DYNC2I1: variants seen among roughly 807,000 people sequenced by gnomAD.
The protein encoded by DYNC2I1 is dynein 2 intermediate chain 1.
A neutral mutation model predicts 133.4 loss-of-function variants in DYNC2I1; 89 were observed. The ratio of observed to expected loss-of-function variants is 0.67; its 90% confidence interval spans 0.56 to 0.80. The LOEUF (loss-of-function observed/expected upper bound fraction) is 0.80, where lower values mean the gene tolerates loss of function less well. Among genes scored for constraint, DYNC2I1 ranks in the 30% least tolerant of loss-of-function variants. The pLI is 0.00. For missense variants in DYNC2I1, 1,291 were observed against 1,314.5 expected (o/e 0.98, Z 0.28); for synonymous variants, 504 against 484.3 (o/e 1.04, Z -0.54).
intron 1 of DYNC2I1, among the ~76,000 whole-genome samples, chr7:158,860,056 GT>G (rs34585662): frequency 0.4 from 57,550 of 142,756 alleles, 11,741 homozygotes; most frequent in East Asian, 0.67. Flanking sequence ...TGGTATTAGA[GT>G]TTTTTTTTTT....
intron 1 of DYNC2I1, among the ~76,000 whole-genome samples, chr7:158,865,907 G>T (rs1440544858): frequency 6.6e-6 from 1 of 152,120 alleles, no homozygotes; most frequent in South Asian, 2.1e-4. Flanking sequence ...GAGACAGCAT[G>T]GATAGAAAAC....
At chr7:158,866,730 C>A (rs991026891) in intron 1 of DYNC2I1, among the ~76,000 whole-genome samples, 1 of 151,124 alleles carries the variant, frequency 6.6e-6, no homozygotes, top group East Asian at 1.9e-4. Flanking sequence ...ACTAAAATTA[C>A]GAAACTTAGC....
At chr7:158,954,820 A>T (rs1039203251) in intron 4 of DYNC2I1, among the ~76,000 whole-genome samples, 2 of 152,244 alleles carry the variant, frequency 1.3e-5, no homozygotes, top group Admixed American at 1.3e-4. Context: ...ACATCAGGAC[A>T]TGGAGAGTAA....
intron 2 of DYNC2I1, among the ~76,000 whole-genome samples, chr7:158,870,176 C>T (rs912504702): frequency 6.6e-5 from 10 of 152,060 alleles, no homozygotes; most frequent in South Asian, 6.2e-4. Context: ...CTTCAGGGGC[C>T]GCAGCGGTGG....
chr7:158,868,782 A>G (rs1449838507), intron 1 of DYNC2I1, among the ~76,000 whole-genome samples: 3 of 152,240 alleles, frequency 2.0e-5, no homozygotes, highest in Non-Finnish European at 4.4e-5. Flanking sequence ...GTTCCTTGGC[A>G]GGACTCTAGA....
At chr7:158,847,959 G>A in the DYNC2I1 span, among the ~76,000 whole-genome samples, 1 of 152,200 alleles carries the variant, frequency 6.6e-6, no homozygotes, top group Non-Finnish European at 1.5e-5. Context: ...ATAATAGATT[G>A]TAAAAATAAC....
intron 3 of DYNC2I1, among the ~76,000 whole-genome samples, chr7:158,873,913 C>T (rs1310413614): frequency 6.6e-6 from 1 of 152,086 alleles, no homozygotes; most frequent in Non-Finnish European, 1.5e-5. Flanking sequence ...CACGCCACCA[C>T]ACCTGGCTAA....
intron 8 of DYNC2I1, among the ~76,000 whole-genome samples, chr7:158,901,333 A>G (rs1846234932): frequency 6.6e-6 from 1 of 152,104 alleles, no homozygotes; most frequent in South Asian, 2.1e-4. Context: ...TGACCTCCCA[A>G]AGTGCTGGGA....
At chr7:158,869,272 G>A (rs970965837) in intron 1 of DYNC2I1, among the ~76,000 whole-genome samples, 4 of 149,414 alleles carry the variant, frequency 2.7e-5, no homozygotes, top group African/African-American at 9.7e-5. Context: ...GCCCGTGGCT[G>A]TGGCATCTGC....
At chr7:158,842,398 C>T in the DYNC2I1 span, among the ~76,000 whole-genome samples, 7 of 152,228 alleles carry the variant, frequency 4.6e-5, no homozygotes, top group South Asian at 4.1e-4. Flanking sequence ...CTAGTGTCAC[C>T]GTTTCCTCAG....
Position 158,871,288 on chromosome 7 carries a change from A to G in DYNC2I1, c.216A>G (p.Glu72=), listed in dbSNP as rs909531673. The change falls in exon 3 of 25, where the codon GAA becomes GAG. Residue 72 remains glutamate (E), a synonymous_variant. Coordinates refer to ENST00000407559, the MANE Select transcript of DYNC2I1 (RefSeq NM_018051.5). ...CCAGGAGCAGAGACAGGGTGGCCGAAGTCCACACCGCTAAGGAGAGTCCTC... is the reference window on the plus strand; with the variant it reads ...CCAGGAGCAGAGACAGGGTGGCCGAGGTCCACACCGCTAAGGAGAGTCCTC... ...QDARSRDRVA[E]VHTAKESPRG... 1.3e-6 allele frequency: 2 copies of G among 1,587,658 alleles called. No individual in the cohort carries two copies. Among genetic ancestry groups the G allele is most frequent in the African/African-American group, 2.7e-5 (2 of 74,418 alleles).
chr7:158,877,459 A>G (rs1270736769), intron 4 of DYNC2I1, among the ~76,000 whole-genome samples: 1 of 152,240 alleles, frequency 6.6e-6, no homozygotes, highest in East Asian at 1.9e-4. Context: ...TTAATTTCTG[A>G]AAATGAACTT....
chr7:158,864,906 G>A (rs1027471206), intron 1 of DYNC2I1, among the ~76,000 whole-genome samples: 2 of 152,224 alleles, frequency 1.3e-5, no homozygotes, highest in Non-Finnish European at 2.9e-5. Context: ...GAGGAGGCTG[G>A]GTTAGAAAGC....
intron 16 of DYNC2I1, 33 bp downstream of exon 16, chr7:158,922,582 G>T (rs1271979779): frequency 6.2e-7 from 1 of 1,600,024 alleles, no homozygotes; most frequent in Non-Finnish European, 8.5e-7. Flanking sequence ...CACGTTTGAT[G>T]GGAGGATGGG....
intron 20 of DYNC2I1, 55 bp downstream of exon 20, chr7:158,927,098 A>G: frequency 7.6e-7 from 1 of 1,323,118 alleles, no homozygotes; most frequent in Middle Eastern, 2.4e-4. Flanking sequence ...AATCGAGATT[A>G]AAAGTACTGA....
At chr7:158,884,729 T>C in intron 6 of DYNC2I1, 110 bp downstream of exon 6, 1 of 1,041,566 alleles carries the variant, frequency 9.6e-7, no homozygotes. Context: ...CAATCAGTTA[T>C]AGATATACTT....
intron 3 of DYNC2I1, among the ~76,000 whole-genome samples, chr7:158,875,394 G>T (rs6459910): frequency 0.02 from 2,971 of 152,196 alleles, 95 homozygotes; most frequent in African/African-American, 0.067. Context: ...TGCCCAGCCT[G>T]GTAAATGCTT....
rs549337384 is a variant in DYNC2I1 at position 158,927,092 on chromosome 7, G to A, written c.2485+49G>A. On this transcript the variant is annotated intron_variant, in intron 20 of 24. Coordinates refer to ENST00000407559, the MANE Select transcript of DYNC2I1 (RefSeq NM_018051.5). ...ATTTTAGTGTTTTCTAAAATGAATC[G>A]AGATTAAAAGTACTGATAACTGCGG... 1.0e-5 allele frequency: 14 copies of A among 1,368,086 alleles called. No homozygotes were observed. The South Asian group carries it at 1.1e-4, about 11-fold the overall frequency. 84.7% of individuals were successfully genotyped at this position (1,368,086 alleles called of 1,614,324 possible). A position where few individuals can be genotyped will look rare whatever the true frequency, so the allele number is the denominator to read the frequency against.
At chr7:158,911,812 A>G (rs1322199647) in intron 12 of DYNC2I1, 133 bp downstream of exon 12, 1 of 1,201,508 alleles carries the variant, frequency 8.3e-7, no homozygotes. Context: ...GCTTAGGGAA[A>G]ATGGGGACCC....
Sources: gnomAD v4.1 joint callset for allele counts (sites outside exome capture counted in the v4.1 genomes callset) on GRCh38, gnomAD v4.1.1 for gene constraint, MANE v1.5 for transcripts, NCBI Gene and HGNC (gene_info 2026-07-23, HGNC 2026-07-21) for gene names.